The following CCSER1 variants were observed in gnomAD, a reference collection of about 807,000 sequenced individuals.
CCSER1 encodes the protein serine-rich coiled-coil domain-containing protein 1.
Under a neutral mutation model 82.0 loss-of-function variants are expected in CCSER1, and 41 were observed. That is an observed-to-expected ratio of 0.50 (90% confidence interval 0.39 to 0.65). CCSER1 has a LOEUF of 0.65. Among genes scored for constraint, CCSER1 ranks in the 30% least tolerant of loss-of-function variants. The probability of loss-of-function intolerance (pLI) is 0.00; values close to 1 mark genes in which losing one functional copy is unlikely to be tolerated. For missense variants in CCSER1, 1,119 were observed against 1,064.2 expected (o/e 1.05, Z -0.72); for synonymous variants, 414 against 383.9 (o/e 1.08, Z -0.92).
chr4:90,883,634 G>T (rs994585394), intron 8 of CCSER1, among the ~76,000 whole-genome samples: 1 of 152,112 alleles, frequency 6.6e-6, no homozygotes, highest in Non-Finnish European at 1.5e-5. Context: ...TTAATCGAGA[G>T]AATTATAAAG....
chr4:91,088,669 G>A (rs1427936185), intron 10 of CCSER1, among the ~76,000 whole-genome samples: 1 of 152,030 alleles, frequency 6.6e-6, no homozygotes, highest in Admixed American at 6.5e-5. Flanking sequence ...ACAATTTGAG[G>A]GGGCTGATTA....
intron 5 of CCSER1, among the ~76,000 whole-genome samples, chr4:90,586,998 G>C (rs1782095966): frequency 6.6e-6 from 1 of 152,140 alleles, no homozygotes; most frequent in African/African-American, 2.4e-5. Flanking sequence ...ATAATCACAG[G>C]GTTCCTTAAA....
intron 6 of CCSER1, among the ~76,000 whole-genome samples, chr4:90,712,410 C>T (rs1327553873): frequency 1.3e-5 from 2 of 151,986 alleles, no homozygotes; most frequent in East Asian, 3.8e-4. Flanking sequence ...ACCCGAAAGT[C>T]ATTCAGGAGC....
chr4:90,703,963 G>A (rs1272862945), intron 6 of CCSER1, among the ~76,000 whole-genome samples: 1 of 152,082 alleles, frequency 6.6e-6, no homozygotes, highest in African/African-American at 2.4e-5. Context: ...GGAGCATTTA[G>A]CCCATTTCCA....
chr4:91,494,407 C>T (rs983063101), intron 10 of CCSER1, among the ~76,000 whole-genome samples: 3 of 151,692 alleles, frequency 2.0e-5, no homozygotes, highest in South Asian at 2.1e-4. Context: ...GTAATACACA[C>T]GTAGTTTCCA....
At chr4:90,361,915 GT>G (rs561058163) in intron 3 of CCSER1, among the ~76,000 whole-genome samples, 6 of 152,282 alleles carry the variant, frequency 3.9e-5, no homozygotes, top group Admixed American at 3.9e-4. Context: ...AGGAATGTCT[GT>G]TTAGAAGATA....
intron 7 of CCSER1, among the ~76,000 whole-genome samples, chr4:90,730,602 A>G (rs1744527031): frequency 6.6e-6 from 1 of 152,188 alleles, no homozygotes; most frequent in East Asian, 1.9e-4. Flanking sequence ...AGGGTGATAA[A>G]TGTTATGATG....
At chr4:90,228,480 T>C (rs1217482040) in intron 1 of CCSER1, among the ~76,000 whole-genome samples, 2 of 151,964 alleles carry the variant, frequency 1.3e-5, no homozygotes, top group Admixed American at 6.6e-5. Flanking sequence ...TATATCACCA[T>C]CATCAAAGAC....
chr4:90,982,927 C>G (rs950623802), intron 9 of CCSER1, among the ~76,000 whole-genome samples: 1 of 151,780 alleles, frequency 6.6e-6, no homozygotes, highest in Admixed American at 6.6e-5. Context: ...CTCACTTGCA[C>G]CTTCAGGCCA....
At chr4:91,178,197 A>C (rs1383702191) in intron 10 of CCSER1, among the ~76,000 whole-genome samples, 12 of 151,962 alleles carry the variant, frequency 7.9e-5, no homozygotes, top group Non-Finnish European at 1.5e-5. Context: ...AATTTCTGTT[A>C]TTTTACATTT....
intron 3 of CCSER1, among the ~76,000 whole-genome samples, chr4:90,321,573 A>C (rs1737169534): frequency 6.6e-6 from 1 of 152,144 alleles, no homozygotes; most frequent in Non-Finnish European, 1.5e-5. Flanking sequence ...TTCCGAGTGC[A>C]TACTTAGCAG....
rs145083602 is a variant in CCSER1 at position 90,642,322 on chromosome 4, C to G, written c.1932+14090C>G. 94 of 153,516 alleles carry G rather than the reference C, an allele frequency of 6.1e-4. 1 individual carries two copies. In the East Asian group the frequency reaches 0.015, roughly 24 times the overall value. The allele number at this position is 153,516 out of a possible 1,614,324, so 9.5% of individuals were successfully genotyped here. Reference sequence around the variant, plus strand: ...TGTTACAACTTTAGATAACATAATGCAATTTCTTAAAAGTAGTATGAATCT... The same window carrying G: ...TGTTACAACTTTAGATAACATAATGGAATTTCTTAAAAGTAGTATGAATCT... On this transcript the variant is annotated intron_variant, in intron 6 of 10. Transcript: ENST00000509176.
intron 1 of CCSER1, among the ~76,000 whole-genome samples, chr4:90,161,100 A>G (rs973088880): frequency 1.3e-5 from 2 of 152,160 alleles, no homozygotes; most frequent in Non-Finnish European, 2.9e-5. Context: ...TTGTATCCTA[A>G]GTGAGTGTAA....
intron 10 of CCSER1, among the ~76,000 whole-genome samples, chr4:91,300,940 T>C (rs1560575880): frequency 6.6e-6 from 1 of 151,874 alleles, no homozygotes; most frequent in African/African-American, 2.4e-5. Flanking sequence ...GGGTGAGTCA[T>C]TAGGGAGGTT....
chr4:91,274,094 A>C (rs1468532662), intron 10 of CCSER1, among the ~76,000 whole-genome samples: 1 of 152,204 alleles, frequency 6.6e-6, no homozygotes, highest in Non-Finnish European at 1.5e-5. Context: ...GTAAATGAGC[A>C]CTTTGGTAAT....
chr4:91,363,511 A>G (rs1749402694), intron 10 of CCSER1, among the ~76,000 whole-genome samples: 1 of 151,760 alleles, frequency 6.6e-6, no homozygotes, highest in East Asian at 1.9e-4. Context: ...TAACTGAAAC[A>G]CAAGGAGAAG....
intron 5 of CCSER1, among the ~76,000 whole-genome samples, chr4:90,612,174 A>C (rs1365751192): frequency 6.6e-6 from 1 of 152,170 alleles, no homozygotes; most frequent in Non-Finnish European, 1.5e-5. Flanking sequence ...ATTTAGTTCC[A>C]CATGAAGTTT....
At chr4:91,050,635 T>TGAC in intron 9 of CCSER1, among the ~76,000 whole-genome samples, 1 of 152,288 alleles carries the variant, frequency 6.6e-6, no homozygotes, top group South Asian at 2.1e-4. Flanking sequence ...TCTGCCAATG[T>TGAC]AATTAGCTTT....
chr4:91,011,103 G>A (rs1193928898), intron 9 of CCSER1, among the ~76,000 whole-genome samples: 2 of 134,328 alleles, frequency 1.5e-5, no homozygotes, highest in Admixed American at 1.5e-4. Flanking sequence ...GTCTAACTGC[G>A]CTGTTTGGGA....
Sources: allele counts gnomAD v4.1 joint callset (sites outside exome capture counted in the v4.1 genomes callset), GRCh38; gene constraint gnomAD v4.1.1; transcripts MANE v1.5; gene names NCBI Gene and HGNC (gene_info 2026-07-23, HGNC 2026-07-21).